TAF3: variants seen among roughly 807,000 people sequenced by gnomAD.
TAF3 encodes TATA-box binding protein associated factor 3.
Under a neutral mutation model 80.6 loss-of-function variants are expected in TAF3, and 7 were observed. The observed-to-expected ratio is 0.09, with a 90% confidence interval of 0.05 to 0.16. The LOEUF (loss-of-function observed/expected upper bound fraction) is 0.16, where lower values mean the gene tolerates loss of function less well. TAF3 is among the 10% of genes least tolerant of loss of function. The probability of loss-of-function intolerance (pLI) is 1.00; values close to 1 mark genes in which losing one functional copy is unlikely to be tolerated. For synonymous variants in TAF3, 444 were observed against 446.1 expected (o/e 1.00, Z 0.06); for missense variants, 921 against 1,140.2 (o/e 0.81, Z 2.77).
At chr10:7,999,861 C>T (rs1164859769) in intron 4 of TAF3, among the ~76,000 whole-genome samples, 1 of 143,158 alleles carries the variant, frequency 7.0e-6, no homozygotes, top group African/African-American at 2.7e-5. Flanking sequence ...ATGCACTCAA[C>T]TTAGACGCAC....
chr10:7,956,374 C>A (rs996459129), intron 2 of TAF3, among the ~76,000 whole-genome samples: 7 of 152,068 alleles, frequency 4.6e-5, no homozygotes, highest in African/African-American at 1.7e-4. Flanking sequence ...ATAATCCCAG[C>A]TACTCGGGAG....
At chr10:7,908,436 C>T (rs1023944097) in intron 2 of TAF3, among the ~76,000 whole-genome samples, 2 of 152,164 alleles carry the variant, frequency 1.3e-5, no homozygotes, top group African/African-American at 4.8e-5. Flanking sequence ...TAAATTCTAA[C>T]AATTGCTATT....
chr10:7,898,396 A>C (rs1390872199), intron 2 of TAF3, among the ~76,000 whole-genome samples: 2 of 152,080 alleles, frequency 1.3e-5, no homozygotes, highest in Non-Finnish European at 2.9e-5. Context: ...AAATACAAAA[A>C]TTAGCTGGGC....
intron 3 of TAF3, among the ~76,000 whole-genome samples, chr10:7,968,192 TTAAAC>T (rs1460406006): frequency 2.0e-5 from 3 of 152,068 alleles, no homozygotes; most frequent in African/African-American, 7.2e-5. Flanking sequence ...GCACCAAAGG[TTAAAC>T]TAAAGTGAGA....
chr10:7,855,287 G>A (rs934579568), intron 2 of TAF3, among the ~76,000 whole-genome samples: 9 of 152,104 alleles, frequency 5.9e-5, no homozygotes, highest in Non-Finnish European at 1.0e-4. Context: ...CCCTGGTTTG[G>A]TGCAGCTGAG....
chr10:7,987,852 A>G (rs1255402262), intron 4 of TAF3, among the ~76,000 whole-genome samples: 1 of 152,186 alleles, frequency 6.6e-6, no homozygotes, highest in Non-Finnish European at 1.5e-5. Flanking sequence ...AATAGTTAAC[A>G]TCTTTATTCA....
At chr10:7,963,467 C>T (rs1439660979) in intron 2 of TAF3, among the ~76,000 whole-genome samples, 1 of 152,184 alleles carries the variant, frequency 6.6e-6, no homozygotes, top group East Asian at 1.9e-4. Flanking sequence ...GACTGCCACT[C>T]TTTTAAGAAT....
At chr10:7,827,506 G>A (rs574930563) in intron 2 of TAF3, among the ~76,000 whole-genome samples, 40 of 152,006 alleles carry the variant, frequency 2.6e-4, no homozygotes, top group Non-Finnish European at 4.4e-4. Context: ...ACTTGGCTGG[G>A]CGCAGTGGCT....
At chr10:7,989,815 A>G (rs1588578720) in intron 4 of TAF3, among the ~76,000 whole-genome samples, 2 of 152,172 alleles carry the variant, frequency 1.3e-5, no homozygotes, top group Admixed American at 1.3e-4. Flanking sequence ...TAAAAATGAG[A>G]TGGTGACTGG....
intron 2 of TAF3, among the ~76,000 whole-genome samples, chr10:7,945,234 G>A (rs1307405294): frequency 6.6e-6 from 1 of 152,168 alleles, no homozygotes; most frequent in South Asian, 2.1e-4. Context: ...TGTGAACAGA[G>A]GGATGCTAAT....
rs1337968219 is a variant in TAF3, at chr10:7,826,440, G to GT, written c.409+1888dup. ...GAAGAAGTATGAAAAACAATTTAGT[G>GT]TTTTTTTTGTTTTGTTTTGTGTTGT... is the stretch of plus-strand genomic sequence containing the variant. On this transcript the variant is annotated intron_variant, in intron 2 of 6. Coordinates refer to ENST00000344293, the MANE Select transcript of TAF3 (RefSeq NM_031923.4). Among the ~76,000 whole-genome samples, 21 of 145,374 alleles carry GT rather than the reference G, an allele frequency of 1.4e-4. No individual in the cohort carries two copies. In the South Asian group the frequency reaches 2.7e-3, roughly 19 times the overall value.
At chr10:7,858,835 C>CG (rs376770999) in intron 2 of TAF3, among the ~76,000 whole-genome samples, 38,671 of 151,508 alleles carry the variant, frequency 0.26, 5,053 homozygotes, top group South Asian at 0.39. Context: ...TGTGCGCGCG[C>CG]CTGCATGTCA....
intron 2 of TAF3, among the ~76,000 whole-genome samples, chr10:7,825,586 ATTAT>A (rs1836731979): frequency 2.1e-5 from 3 of 145,044 alleles, no homozygotes; most frequent in Non-Finnish European, 3.0e-5. Context: ...GGACTTGGAC[ATTAT>A]TTGTCTTTTT....
chr10:8,006,179 TACACACACACACACAC>T (rs59502450), intron 4 of TAF3, among the ~76,000 whole-genome samples: 39 of 134,674 alleles, frequency 2.9e-4, no homozygotes, highest in Admixed American at 5.2e-4. Context: ...AAAAAAAAAA[TACACACACACACACAC>T]ACACACACAC....
intron 2 of TAF3, among the ~76,000 whole-genome samples, chr10:7,894,601 T>G (rs1199108134): frequency 6.6e-6 from 1 of 152,238 alleles, no homozygotes; most frequent in African/African-American, 2.4e-5. Flanking sequence ...TGGGAACCTA[T>G]TTTCTGTTCA....
intron 3 of TAF3, among the ~76,000 whole-genome samples, chr10:7,975,576 A>G (rs551833025): frequency 1.3e-5 from 2 of 152,322 alleles, no homozygotes; most frequent in African/African-American, 2.4e-5. Flanking sequence ...GTATGGTGGA[A>G]TAACTAAGAG....
intron 6 of TAF3, among the ~76,000 whole-genome samples, chr10:8,014,399 C>G (rs920346786): frequency 6.6e-6 from 1 of 152,198 alleles, no homozygotes; most frequent in African/African-American, 2.4e-5. Context: ...CGGAAGACTT[C>G]TATTCCTGGC....
intron 2 of TAF3, among the ~76,000 whole-genome samples, chr10:7,924,745 A>C (rs577298142): frequency 3.0e-4 from 46 of 151,536 alleles, no homozygotes; most frequent in African/African-American, 1.1e-3. Context: ...ACAGAACACT[A>C]TCTGTGTTTT....
intron 2 of TAF3, among the ~76,000 whole-genome samples, chr10:7,895,884 C>G (rs1201281750): frequency 6.6e-6 from 1 of 152,190 alleles, no homozygotes; most frequent in East Asian, 1.9e-4. Flanking sequence ...TCTCCCCACC[C>G]CTGCGCCTAG....
Sources: gnomAD v4.1 joint callset for allele counts (sites outside exome capture counted in the v4.1 genomes callset) on GRCh38, gnomAD v4.1.1 for gene constraint, MANE v1.5 for transcripts, NCBI Gene and HGNC (gene_info 2026-07-23, HGNC 2026-07-21) for gene names.